Variants in BLNK observed in about 807,000 individuals in gnomAD.
BLNK encodes B-cell linker protein.
BLNK carries 29 observed loss-of-function variants against 73.5 expected under a neutral mutation model. That is an observed-to-expected ratio of 0.39 (90% CI 0.29 to 0.54). The LOEUF is 0.54. Ranked by LOEUF, BLNK falls within the 20% of genes least tolerant of loss-of-function variation. The probability of loss-of-function intolerance (pLI) is 0.61; values close to 1 mark genes in which losing one functional copy is unlikely to be tolerated. For missense variants in BLNK, 460 were observed against 562.8 expected, an observed-to-expected ratio of 0.82 and a Z score of 1.85; for synonymous variants, 176 against 200.8, an observed-to-expected ratio of 0.88 and a Z score of 1.04.
chr10:96,236,255 C>G (rs587620002), intron 3 of BLNK, among the ~76,000 whole-genome samples: 1 of 152,234 alleles, frequency 6.6e-6, no homozygotes, highest in East Asian at 1.9e-4. Context: ...CATCTCTCCC[C>G]CAACAGAGCA....
chr10:96,204,122 A>G (rs1237807710), intron 12 of BLNK, 34 bp from the exon 13 acceptor site: 1 of 1,612,592 alleles, frequency 6.2e-7, no homozygotes, highest in East Asian at 2.2e-5. Flanking sequence ...TTAAAGGACA[A>G]AGCACAATAT....
chr10:96,256,221 A>G (rs1046457227), intron 1 of BLNK, among the ~76,000 whole-genome samples: 2 of 152,144 alleles, frequency 1.3e-5, no homozygotes, highest in Admixed American at 1.3e-4. Context: ...TGCTGGTGCA[A>G]TTGACCTGGT....
chr10:96,209,424 G>C (rs1028367322), intron 9 of BLNK, among the ~76,000 whole-genome samples: 9 of 151,860 alleles, frequency 5.9e-5, no homozygotes, highest in African/African-American at 2.2e-4. Flanking sequence ...TTGAGATGGA[G>C]TCTTGCTCTG....
chr10:96,209,884 T>C lies in BLNK; in HGVS notation c.700A>G (p.Thr234Ala). The C allele has an allele frequency of 6.2e-7, 1 of 1,614,198 alleles. No homozygotes were observed. Among genetic ancestry groups the C allele is most frequent in the African/African-American group, 1.3e-5 (1 of 75,052 alleles). ...GGTGCAGCTGGTGGAGGTGACTTGG[T>C]TTCCCAGGCCCCACTGTTTCGACCT... Reference protein sequence around the residue: ...ASGRNSGAWETKSPPPAAPSP... With the variant: ...ASGRNSGAWEAKSPPPAAPSP... Residue 234 changes from threonine (T) to alanine (A), a missense_variant, in exon 9 of 17, where the codon ACC becomes GCC. Thr to Ala is a moderately conservative substitution (Grantham distance 58, BLOSUM62 0). Around this residue, in one of 3 missense-constraint regions of BLNK, gnomAD observed 233 missense variants for 232.1 expected, o/e 1.00. Coordinates refer to ENST00000224337, the MANE Select transcript of BLNK (RefSeq NM_013314.4).
chr10:96,199,827 C>G (rs1340627483), intron 15 of BLNK: 1 of 243,044 alleles, frequency 4.1e-6, no homozygotes, highest in Admixed American at 4.8e-5. Context: ...AGTTCGAGAG[C>G]AGCCTGGCCA....
At chr10:96,222,374 T>A (rs2084217922) in intron 6 of BLNK, among the ~76,000 whole-genome samples, 1 of 152,186 alleles carries the variant, frequency 6.6e-6, no homozygotes, top group Non-Finnish European at 1.5e-5. Flanking sequence ...TACAGGCAAG[T>A]TATTTCTTAG....
intron 1 of BLNK, among the ~76,000 whole-genome samples, chr10:96,265,116 AGACTTATT>A (rs1163142696): frequency 9.9e-6 from 1 of 101,070 alleles, no homozygotes; most frequent in Non-Finnish European, 2.1e-5. Flanking sequence ...CCACCACACC[AGACTTATT>A]TATTTATTTA....
At chr10:96,207,806 A>C in intron 10 of BLNK, 66 bp downstream of exon 10, 1 of 1,582,554 alleles carries the variant, frequency 6.3e-7, no homozygotes, top group Non-Finnish European at 8.7e-7. Context: ...TTTCAACTTT[A>C]AATAAATGGA....
chr10:96,214,535 T>G (rs879951535), intron 8 of BLNK, among the ~76,000 whole-genome samples: 1 of 151,980 alleles, frequency 6.6e-6, no homozygotes, highest in Non-Finnish European at 1.5e-5. Flanking sequence ...ACAGCTAAAA[T>G]GGAACAGCAA....
Position 96,227,507 on chromosome 10 carries a change from G to A in BLNK, c.264C>T (p.Ala88=), listed in dbSNP as rs374291940. 6.8e-6 allele frequency: 11 copies of A among 1,614,052 alleles called. No homozygotes were observed. In the African/African-American group the frequency reaches 8.0e-5, roughly 12 times the overall value. The change falls in exon 5 of 17, where the codon GCC becomes GCT. Residue 88 remains alanine, a synonymous_variant. Coordinates refer to ENST00000224337, the MANE Select transcript of BLNK (RefSeq NM_013314.4). ...CGTAGCTGTCATCAGCGTTCTCCTC[G>A]GCGGGCATCACGTACATCTCTGAGT... is the stretch of plus-strand genomic sequence containing the variant. ...HSDSEMYVMP[A]EENADDSYEP...
intron 1 of BLNK, 150 bp downstream of exon 1, chr10:96,271,202 C>T (rs1844254671): frequency 2.4e-6 from 2 of 824,196 alleles, no homozygotes; most frequent in Non-Finnish European, 4.0e-6. Flanking sequence ...CCAATGCTTT[C>T]CCTAAAAGCT....
Position 96,227,575 on chromosome 10 carries a change from G to A in BLNK, c.205-9C>T. On this transcript the variant is annotated splice_polypyrimidine_tract_variant and intron_variant, in intron 4 of 16. Coordinates refer to ENST00000224337, the MANE Select transcript of BLNK (RefSeq NM_013314.4). The stretch of plus-strand genomic sequence containing the variant: ...TTTTCATAGTCGCTGTCCTGCAAGT[G>A]CAGATGCAGACACTGTGCTCAGCAT... 1 of 1,613,856 alleles carries A rather than the reference G, an allele frequency of 6.2e-7. No homozygotes were observed. Among genetic ancestry groups the A allele is most frequent in the Non-Finnish European group, 8.5e-7 (1 of 1,180,040 alleles).
intron 1 of BLNK, among the ~76,000 whole-genome samples, chr10:96,253,829 C>A (rs1453845893): frequency 6.6e-6 from 1 of 151,540 alleles, no homozygotes; most frequent in Non-Finnish European, 1.5e-5. Flanking sequence ...TCTTGGCTAA[C>A]ACGGTGAAAC....
chr10:96,252,563 A>G (rs1227109214), intron 1 of BLNK, among the ~76,000 whole-genome samples: 1 of 152,214 alleles, frequency 6.6e-6, no homozygotes, highest in Non-Finnish European at 1.5e-5. Context: ...TTGGAAGCAT[A>G]ATTTGGGTGT....
intron 1 of BLNK, among the ~76,000 whole-genome samples, chr10:96,265,590 A>T (rs782639969): frequency 3.3e-5 from 5 of 152,190 alleles, no homozygotes; most frequent in African/African-American, 4.8e-5. Flanking sequence ...CTAAGGATTT[A>T]TTGCCCCTCC....
chr10:96,211,221 C>T (rs927307798), intron 8 of BLNK, among the ~76,000 whole-genome samples: 3 of 152,120 alleles, frequency 2.0e-5, no homozygotes, highest in African/African-American at 7.2e-5. Context: ...GACCTGCTGC[C>T]CTCAGTCTGT....
rs151154509 is a variant in BLNK, at chr10:96,213,034, T to A, written c.676+2287A>T. Among the ~76,000 whole-genome samples the A allele has an allele frequency of 2.8e-4, 43 of 152,352 alleles. 1 individual carries two copies. In the East Asian group the frequency reaches 7.1e-3, roughly 25 times the overall value. ...TCATCTGATGACCCTAGTATTAAAA[T>A]ACAGCTATACCAGGTTAATAGCAAA... On this transcript the variant is annotated intron_variant, in intron 8 of 16. Coordinates refer to ENST00000224337, the MANE Select transcript of BLNK (RefSeq NM_013314.4).
At chr10:96,193,668 T>G (rs1371448522) in intron 16 of BLNK, among the ~76,000 whole-genome samples, 2 of 152,216 alleles carry the variant, frequency 1.3e-5, no homozygotes, top group African/African-American at 4.8e-5. Flanking sequence ...ATACATTCAG[T>G]GTATTTGTGG....
chr10:96,262,688 T>C (rs1373214784), intron 1 of BLNK, among the ~76,000 whole-genome samples: 1 of 152,206 alleles, frequency 6.6e-6, no homozygotes, highest in Non-Finnish European at 1.5e-5. Context: ...TGAACGATTG[T>C]GGGAGCATTC....
Sources: allele counts gnomAD v4.1 joint callset (sites outside exome capture counted in the v4.1 genomes callset), GRCh38; gene constraint gnomAD v4.1.1; regional missense constraint gnomAD v4.1.1; transcripts MANE v1.5; gene names NCBI Gene and HGNC (gene_info 2026-07-23, HGNC 2026-07-21).